The following RAB11FIP4 variants were observed in gnomAD, a reference collection of about 807,000 sequenced individuals.
The protein encoded by RAB11FIP4 is RAB11 family interacting protein 4, also known as rab11 family-interacting protein 4.
RAB11FIP4 carries 23 observed loss-of-function variants against 74.3 expected under a neutral mutation model. That is an observed-to-expected ratio of 0.31 (90% confidence interval 0.22 to 0.44). RAB11FIP4 has a LOEUF of 0.44. RAB11FIP4 is among the 20% of genes least tolerant of loss of function. The pLI is 1.00. For synonymous variants in RAB11FIP4, 360 were observed against 359.9 expected (o/e 1.00, Z 0.00); for missense variants, 630 against 863.9 (o/e 0.73, Z 3.39).
Position 31,537,288 on chromosome 17 carries a change from C to T in RAB11FIP4, c.*5556C>T, listed in dbSNP as rs2072981839. 1.0e-5 allele frequency: 4 copies of T among 398,596 alleles called. No homozygotes were observed. Among genetic ancestry groups the T allele is most frequent in the Non-Finnish European group, 1.3e-5 (3 of 226,108 alleles). 24.7% of individuals were successfully genotyped at this position (398,596 alleles called of 1,614,324 possible). Reference sequence around the variant, plus strand: ...CAGGTGAGGCCAGCTCTCCCGGGCACATTCGTCCACAAGGATCAGGCCCCA... The same window carrying T: ...CAGGTGAGGCCAGCTCTCCCGGGCATATTCGTCCACAAGGATCAGGCCCCA... On this transcript the variant is annotated 3_prime_UTR_variant, in exon 15 of 15. Coordinates refer to ENST00000621161, the MANE Select transcript of RAB11FIP4 (RefSeq NM_032932.6).
chr17:31,436,749 T>G (rs2071360591), intron 3 of RAB11FIP4, among the ~76,000 whole-genome samples: 1 of 37,554 alleles, frequency 2.7e-5, no homozygotes, highest in Admixed American at 3.6e-4. Flanking sequence ...GGGTTTTGTT[T>G]TTTGTTTTTT....
At chr17:31,505,601 TAATAATA>T (rs2072323239) in intron 3 of RAB11FIP4, among the ~76,000 whole-genome samples, 1 of 55,130 alleles carries the variant, frequency 1.8e-5, no homozygotes, top group Non-Finnish European at 3.1e-5. Flanking sequence ...ATATATTATA[TAATAATA>T]ATTATATATA....
intron 3 of RAB11FIP4, among the ~76,000 whole-genome samples, chr17:31,451,215 T>C (rs1289446031): frequency 1.3e-5 from 2 of 151,956 alleles, no homozygotes; most frequent in African/African-American, 4.8e-5. Context: ...TCCCAGCACT[T>C]TTGGAGGCTG....
chr17:31,436,754 T>G (rs78374752), intron 3 of RAB11FIP4, among the ~76,000 whole-genome samples: 1 of 32,448 alleles, frequency 3.1e-5, no homozygotes, highest in South Asian at 1.2e-3. Context: ...TTGTTTTTTG[T>G]TTTTTTTTTG....
intron 13 of RAB11FIP4, 100 bp downstream of exon 13, chr17:31,528,878 C>T (rs745451264): frequency 3.2e-5 from 42 of 1,325,876 alleles, no homozygotes; most frequent in Non-Finnish European, 4.1e-5. Context: ...AGAGCTGTAG[C>T]AGCACTGCCT....
At chr17:31,422,909 T>C (rs986972874) in intron 1 of RAB11FIP4, among the ~76,000 whole-genome samples, 1 of 151,546 alleles carries the variant, frequency 6.6e-6, no homozygotes, top group Non-Finnish European at 1.5e-5. Flanking sequence ...TATCTATCTA[T>C]TGATTGCCTT....
At chr17:31,432,901 G>A (rs567060636) in intron 2 of RAB11FIP4, among the ~76,000 whole-genome samples, 4 of 152,246 alleles carry the variant, frequency 2.6e-5, no homozygotes, top group African/African-American at 7.2e-5. Context: ...CGAGGCAGGC[G>A]GATTGCTTGA....
At chr17:31,440,921 CT>C (rs1315847627) in intron 3 of RAB11FIP4, among the ~76,000 whole-genome samples, 1 of 152,192 alleles carries the variant, frequency 6.6e-6, no homozygotes, top group African/African-American at 2.4e-5. Context: ...AGGAAATTGG[CT>C]TCTTTACAAT....
intron 3 of RAB11FIP4, among the ~76,000 whole-genome samples, chr17:31,447,263 C>G (rs763080871): frequency 7.2e-4 from 109 of 152,082 alleles, no homozygotes; most frequent in Non-Finnish European, 1.1e-3. Flanking sequence ...CAACCTGGGC[C>G]ACAGAGCGTG....
intron 3 of RAB11FIP4, among the ~76,000 whole-genome samples, chr17:31,455,826 A>G (rs1269346968): frequency 6.6e-6 from 1 of 152,218 alleles, no homozygotes; most frequent in Non-Finnish European, 1.5e-5. Context: ...GGTACCAGGC[A>G]GGAGGCATGT....
Position 31,523,857 on chromosome 17 carries a change from A to T in RAB11FIP4, c.1030-36A>T, listed in dbSNP as rs780405489. On this transcript the variant is annotated intron_variant, in intron 8 of 14. Coordinates refer to ENST00000621161, the MANE Select transcript of RAB11FIP4 (RefSeq NM_032932.6). ...GAGGTTCTCGGTTCTGTGGCCTCAG[A>T]GGTCTTCTCCACCCCACCCCGGCCC... The T allele has an allele frequency of 3.7e-5, 55 of 1,481,468 alleles. 1 individual carries two copies. The South Asian group carries it at 6.2e-4, about 17-fold the overall frequency. 91.8% of individuals were successfully genotyped at this position (1,481,468 alleles called of 1,614,324 possible).
At chr17:31,464,748 G>GT (rs1567664788) in intron 3 of RAB11FIP4, among the ~76,000 whole-genome samples, 1 of 45,280 alleles carries the variant, frequency 2.2e-5, no homozygotes, top group African/African-American at 6.3e-5. Context: ...ACTGTGCCCG[G>GT]CTTTTTTTTT....
At chr17:31,522,140 G>C (rs2072679827) in intron 6 of RAB11FIP4, 91 bp downstream of exon 6, 1 of 1,534,824 alleles carries the variant, frequency 6.5e-7, no homozygotes, top group Non-Finnish European at 9.0e-7. Flanking sequence ...GGCGACCCCT[G>C]CTGTCTGGGC....
At chr17:31,456,493 C>T (rs1402629409) in intron 3 of RAB11FIP4, among the ~76,000 whole-genome samples, 2 of 152,232 alleles carry the variant, frequency 1.3e-5, no homozygotes, top group African/African-American at 4.8e-5. Flanking sequence ...AGGCGTGGGC[C>T]ACCCTGCTGG....
chr17:31,412,881 G>A (rs965015517), intron 1 of RAB11FIP4, among the ~76,000 whole-genome samples: 1 of 151,922 alleles, frequency 6.6e-6, no homozygotes, highest in Non-Finnish European at 1.5e-5. Flanking sequence ...CCATTTCACA[G>A]GCAAAAAAAC....
chr17:31,453,978 C>A (rs1276129844), intron 3 of RAB11FIP4, among the ~76,000 whole-genome samples: 1 of 152,040 alleles, frequency 6.6e-6, no homozygotes, highest in African/African-American at 2.4e-5. Flanking sequence ...GGGCCCAGTC[C>A]TCCTCCCACA....
At chr17:31,405,007 T>C (rs528672636) in intron 1 of RAB11FIP4, among the ~76,000 whole-genome samples, 1 of 152,142 alleles carries the variant, frequency 6.6e-6, no homozygotes, top group African/African-American at 2.4e-5. Context: ...GTGGCAGGGC[T>C]TGATTTTATC....
At chr17:31,480,031 T>A (rs1031221725) in intron 3 of RAB11FIP4, among the ~76,000 whole-genome samples, 1 of 152,184 alleles carries the variant, frequency 6.6e-6, no homozygotes, top group Non-Finnish European at 1.5e-5. Flanking sequence ...CTTACAAAGT[T>A]GGTTGTACTC....
chr17:31,394,129 G>A (rs958507820), intron 1 of RAB11FIP4, among the ~76,000 whole-genome samples: 5 of 152,240 alleles, frequency 3.3e-5, no homozygotes, highest in African/African-American at 1.2e-4. Flanking sequence ...CTACAGAAGC[G>A]GTGGATATGC....
Sources: gnomAD v4.1 joint callset for allele counts (sites outside exome capture counted in the v4.1 genomes callset) on GRCh38, gnomAD v4.1.1 for gene constraint, MANE v1.5 for transcripts, NCBI Gene and HGNC (gene_info 2026-07-23, HGNC 2026-07-21) for gene names.